The following SGCZ variants were observed in gnomAD, a reference collection of about 807,000 sequenced individuals.
The protein encoded by SGCZ is zeta-sarcoglycan.
Under a neutral mutation model 41.3 loss-of-function variants are expected in SGCZ, and 40 were observed. The observed-to-expected ratio is 0.97, with a 90% CI of 0.75 to 1.26. The LOEUF is 1.26. SGCZ is among the 50% of genes most tolerant of loss of function. SGCZ has a pLI of 0.00. For missense variants in SGCZ, 552 were observed against 369.8 expected, an observed-to-expected ratio of 1.49 and a Z score of -4.04; for synonymous variants, 206 against 137.5, an observed-to-expected ratio of 1.50 and a Z score of -3.49.
intron 1 of SGCZ, among the ~76,000 whole-genome samples, chr8:15,174,093 C>G (rs1470082272): frequency 6.6e-6 from 1 of 152,058 alleles, no homozygotes; most frequent in Non-Finnish European, 1.5e-5. Flanking sequence ...GCATATTATA[C>G]CAACAGATCT....
intron 1 of SGCZ, among the ~76,000 whole-genome samples, chr8:14,634,965 G>C (rs1402437064): frequency 6.6e-6 from 1 of 151,618 alleles, no homozygotes; most frequent in Admixed American, 6.6e-5. Context: ...GATGCATTAT[G>C]ATATTTAAAT....
chr8:14,673,536 G>C (rs574709616), intron 1 of SGCZ, among the ~76,000 whole-genome samples: 114 of 151,962 alleles, frequency 7.5e-4, no homozygotes, highest in African/African-American at 2.7e-3. Context: ...ATGATTGTAA[G>C]TTTCCTGAGG....
chr8:15,106,893 TGTTATAG>T (rs60263221), intron 1 of SGCZ, among the ~76,000 whole-genome samples: 5,959 of 152,144 alleles, frequency 0.039, 144 homozygotes, highest in Non-Finnish European at 0.055. Flanking sequence ...TCTCAACTTC[TGTTATAG>T]TCACCTTTTA....
intron 2 of SGCZ, among the ~76,000 whole-genome samples, chr8:14,518,619 C>G (rs1305089420): frequency 1.3e-5 from 2 of 152,064 alleles, no homozygotes; most frequent in African/African-American, 4.8e-5. Context: ...ATCCACAAGT[C>G]TTTTCTTTCA....
At chr8:14,167,561 G>C (rs1804246867) in intron 4 of SGCZ, among the ~76,000 whole-genome samples, 1 of 151,826 alleles carries the variant, frequency 6.6e-6, no homozygotes, top group Admixed American at 6.6e-5. Context: ...TCAACAAAGA[G>C]AAGTCAAGGA....
rs551144239 is a variant in SGCZ, at chr8:14,598,230, T to C, written c.40-43304A>G. 1.2e-4 allele frequency among the ~76,000 whole-genome samples: 19 copies of C among 152,092 alleles called. No individual in the cohort carries two copies. The South Asian group carries it at 3.5e-3, about 28-fold the overall frequency. ...TTCAAGTGGGGCATTTTTTTTCATT[T>C]ATTTATTAACAATGTACATGGCCTC... On this transcript the variant is annotated intron_variant, in intron 1 of 7. Coordinates refer to ENST00000382080, the MANE Select transcript of SGCZ (RefSeq NM_139167.4).
At chr8:14,850,298 A>C (rs1426787834) in intron 1 of SGCZ, among the ~76,000 whole-genome samples, 1 of 152,180 alleles carries the variant, frequency 6.6e-6, no homozygotes. Context: ...TAATCATGAG[A>C]ATGGCATAGT....
At chr8:14,561,501 T>A (rs1450491099) in intron 1 of SGCZ, among the ~76,000 whole-genome samples, 1 of 152,156 alleles carries the variant, frequency 6.6e-6, no homozygotes, top group East Asian at 1.9e-4. Context: ...AAAATCTGTT[T>A]GTTACAATTA....
intron 1 of SGCZ, among the ~76,000 whole-genome samples, chr8:15,165,486 T>G (rs906264976): frequency 8.5e-5 from 13 of 152,170 alleles, no homozygotes; most frequent in African/African-American, 2.7e-4. Context: ...TGAGAACTAT[T>G]TGACATGCTG....
intron 1 of SGCZ, among the ~76,000 whole-genome samples, chr8:15,194,627 G>C (rs147035872): frequency 6.6e-6 from 1 of 152,212 alleles, no homozygotes; most frequent in Non-Finnish European, 1.5e-5. Flanking sequence ...GGAAATGTAA[G>C]GATGGAAGTA....
intron 1 of SGCZ, among the ~76,000 whole-genome samples, chr8:15,069,037 T>A (rs1021390041): frequency 6.6e-6 from 1 of 152,330 alleles, no homozygotes; most frequent in African/African-American, 2.4e-5. Flanking sequence ...AACGGGCTAC[T>A]GCTGAAGTTA....
At chr8:15,200,868 C>T (rs1278213826) in intron 1 of SGCZ, among the ~76,000 whole-genome samples, 1 of 152,186 alleles carries the variant, frequency 6.6e-6, no homozygotes, top group Non-Finnish European at 1.5e-5. Context: ...AGAAATAACA[C>T]TTGCATATCA....
intron 2 of SGCZ, among the ~76,000 whole-genome samples, chr8:14,482,958 C>T (rs926756009): frequency 6.6e-6 from 1 of 152,058 alleles, no homozygotes; most frequent in Non-Finnish European, 1.5e-5. Context: ...TCCGTAAACA[C>T]GTGAGCCAAT....
At chr8:14,841,745 C>T (rs967324333) in intron 1 of SGCZ, among the ~76,000 whole-genome samples, 3 of 152,104 alleles carry the variant, frequency 2.0e-5, no homozygotes, top group Non-Finnish European at 4.4e-5. Context: ...TTAAAACTGA[C>T]ATAAAATCAC....
At chr8:15,179,442 C>T (rs553313472) in intron 1 of SGCZ, among the ~76,000 whole-genome samples, 1 of 152,140 alleles carries the variant, frequency 6.6e-6, no homozygotes, top group African/African-American at 2.4e-5. Flanking sequence ...GATGTATCAT[C>T]AACAACCACT....
chr8:14,310,265 C>T (rs1238505660), intron 3 of SGCZ, among the ~76,000 whole-genome samples: 1 of 151,980 alleles, frequency 6.6e-6, no homozygotes, highest in Non-Finnish European at 1.5e-5. Flanking sequence ...TTTTTTTCCT[C>T]ATGTAACATT....
intron 1 of SGCZ, among the ~76,000 whole-genome samples, chr8:14,579,301 A>T (rs1385655219): frequency 6.6e-6 from 1 of 152,230 alleles, no homozygotes; most frequent in Non-Finnish European, 1.5e-5. Flanking sequence ...GTATTTATAA[A>T]ATACAAACTG....
intron 1 of SGCZ, among the ~76,000 whole-genome samples, chr8:14,933,129 G>T (rs935931619): frequency 2.0e-5 from 3 of 151,970 alleles, no homozygotes; most frequent in Admixed American, 2.0e-4. Context: ...AGGTAACATA[G>T]TGTTTGGCTC....
At chr8:14,461,185 A>T (rs1004592442) in intron 2 of SGCZ, among the ~76,000 whole-genome samples, 1 of 152,062 alleles carries the variant, frequency 6.6e-6, no homozygotes, top group Non-Finnish European at 1.5e-5. Flanking sequence ...CATCTCCTAC[A>T]TTCCTTGTAG....
Sources: allele counts gnomAD v4.1 joint callset (sites outside exome capture counted in the v4.1 genomes callset), GRCh38; gene constraint gnomAD v4.1.1; transcripts MANE v1.5; gene names NCBI Gene and HGNC (gene_info 2026-07-23, HGNC 2026-07-21).